The following CDYL variants were observed in gnomAD, a reference collection of about 807,000 sequenced individuals.
The protein encoded by CDYL is chromodomain Y-like protein.
In CDYL, 8 loss-of-function variants were observed where a neutral mutation model predicts 47.3. The ratio of observed to expected loss-of-function variants is 0.17; its 90% CI spans 0.10 to 0.31. The LOEUF (loss-of-function observed/expected upper bound fraction) is 0.31. CDYL is among the 10% of genes least tolerant of loss of function. CDYL has a pLI of 1.00. For synonymous variants in CDYL, 266 were observed against 265.0 expected (o/e 1.00, Z -0.04); for missense variants, 471 against 701.4 (o/e 0.67, Z 3.71).
At position 4,744,126 on chromosome 6, in the gene CDYL, T is replaced by C. The variant is rs530497036; in HGVS notation, c.186+9282T>C. On this transcript the variant is annotated intron_variant, in intron 3 of 8. Coordinates refer to the CDYL transcript ENST00000328908. ...GAATCACTACTGAGCAGGACGAAGG[T>C]CAGATGGGAGTTGGGAAGGAGAGTG... is the stretch of plus-strand genomic sequence containing the variant. Among the ~76,000 whole-genome samples the C allele has an allele frequency of 1.4e-4, 22 of 152,156 alleles. No individual in the cohort carries two copies. In the South Asian group the frequency reaches 4.6e-3, roughly 32 times the overall value.
At chr6:4,724,052 C>T (rs572342803) in intron 2 of CDYL, among the ~76,000 whole-genome samples, 3 of 151,914 alleles carry the variant, frequency 2.0e-5, no homozygotes, top group African/African-American at 4.9e-5. Flanking sequence ...ACTTTTTGTG[C>T]GCGTTTGAGA....
intron 1 of CDYL, among the ~76,000 whole-genome samples, chr6:4,836,595 G>T (rs1760315072): frequency 6.6e-6 from 1 of 152,118 alleles, no homozygotes; most frequent in South Asian, 2.1e-4. Flanking sequence ...TTGCTCATTA[G>T]AATATTTTTA....
intron 3 of CDYL, among the ~76,000 whole-genome samples, chr6:4,749,329 ATGGATGGATGGC>A (rs1423680280): frequency 7.2e-6 from 1 of 138,618 alleles, no homozygotes; most frequent in Non-Finnish European, 1.6e-5. Context: ...GGATGGATGG[ATGGATGGATGGC>A]TGGATATGAG....
intron 2 of CDYL, among the ~76,000 whole-genome samples, chr6:4,899,712 G>T (rs998341166): frequency 6.6e-6 from 1 of 152,180 alleles, no homozygotes; most frequent in Non-Finnish European, 1.5e-5. Context: ...CTTCTCAGTT[G>T]CCTTTAGCTA....
chr6:4,891,848 G>A lies in CDYL; in HGVS notation c.160G>A (p.Asp54Asn), dbSNP rs146246309. 45 of 1,614,036 alleles carry A rather than the reference G, an allele frequency of 2.8e-5. No homozygotes were observed. The highest frequency in any genetic ancestry group is 3.6e-5 in the Non-Finnish European group (43 of 1,180,048). ...CGTGAACTGTGAGGAATACATCCAC[G>A]ACTTCAACAGACGCCACACGGAGAA... Reference protein sequence around the residue: ...HLVNCEEYIHDFNRRHTEKQK... With the variant: ...HLVNCEEYIHNFNRRHTEKQK... Residue 54 changes from aspartate (D) to asparagine (N), a missense_variant, in exon 2 of 7, where the codon GAC becomes AAC. This residue lies in a region of CDYL where 311 missense variants were observed against 350.0 expected (regional missense o/e 0.89). Transcript: ENST00000397588.
intron 3 of CDYL, among the ~76,000 whole-genome samples, chr6:4,746,132 G>C (rs999565612): frequency 6.6e-6 from 1 of 152,134 alleles, no homozygotes; most frequent in Non-Finnish European, 1.5e-5. Flanking sequence ...TTGGGAGGCT[G>C]AGGCAGGTGG....
intron 3 of CDYL, among the ~76,000 whole-genome samples, chr6:4,765,602 C>T (rs1439498139): frequency 4.7e-5 from 7 of 150,246 alleles, no homozygotes; most frequent in Admixed American, 4.0e-4. Flanking sequence ...CTTGCTCTGT[C>T]GCGCAGGCTG....
chr6:4,712,441 G>A (rs1303672120), intron 1 of CDYL, among the ~76,000 whole-genome samples: 1 of 152,214 alleles, frequency 6.6e-6, no homozygotes, highest in African/African-American at 2.4e-5. Context: ...AGACAGCAGG[G>A]GCTGGGCCCA....
At position 4,776,684 on chromosome 6, in the gene CDYL, GCGCAGGCCACGCAGGACC is replaced by G; in HGVS notation, c.-98_-81del. On this transcript the variant is annotated 5_prime_UTR_variant, in exon 1 of 7. Coordinates refer to ENST00000397588, the MANE Select transcript of CDYL (RefSeq NM_004824.4). ...GCCCGGCCGGCCGCGGGAGCAGGAA[GCGCAGGCCACGCAGGACC>G]CAACTGAAACAAAGTGTCGGCCGCC... is the stretch of plus-strand genomic sequence containing the variant. The G allele has an allele frequency of 9.0e-7, 1 of 1,111,048 alleles. No homozygotes were observed. Among genetic ancestry groups the G allele is most frequent in the Non-Finnish European group, 1.2e-6 (1 of 852,708 alleles). 68.8% of individuals were successfully genotyped at this position (1,111,048 alleles called of 1,614,324 possible).
intron 1 of CDYL, among the ~76,000 whole-genome samples, chr6:4,872,324 CTTTTT>C (rs56242830): frequency 1.6e-5 from 2 of 121,648 alleles, no homozygotes; most frequent in Non-Finnish European, 1.8e-5. Context: ...TTTGATTTGG[CTTTTT>C]TTTTTTTTTT....
At chr6:4,868,549 G>A (rs808593) in intron 1 of CDYL, among the ~76,000 whole-genome samples, 2,049 of 151,860 alleles carry the variant, frequency 0.013, 111 homozygotes, top group Admixed American at 0.096. Flanking sequence ...TTAAAATAAC[G>A]GAGTCCTGTT....
At chr6:4,807,591 CTTTTTTTTTTTTTTTTT>C (rs70974139) in intron 1 of CDYL, among the ~76,000 whole-genome samples, 19 of 42,944 alleles carry the variant, frequency 4.4e-4, no homozygotes, top group African/African-American at 1.3e-3. Context: ...TCATTCATGT[CTTTTTTTTTTTTTTTTT>C]TTTTTTTTTT....
chr6:4,783,105 C>T (rs533315120), intron 1 of CDYL, among the ~76,000 whole-genome samples: 3 of 152,220 alleles, frequency 2.0e-5, no homozygotes, highest in Admixed American at 1.3e-4. Flanking sequence ...TACAACCTTT[C>T]TTTAGATTCA....
intron 1 of CDYL, among the ~76,000 whole-genome samples, chr6:4,817,158 T>A (rs1019850507): frequency 4.6e-5 from 7 of 152,314 alleles, no homozygotes; most frequent in Middle Eastern, 6.8e-3. Context: ...TTTGCAGTTG[T>A]GTTGTATGTG....
chr6:4,881,218 T>C (rs1403901436), intron 1 of CDYL, among the ~76,000 whole-genome samples: 3 of 152,154 alleles, frequency 2.0e-5, no homozygotes, highest in Admixed American at 6.5e-5. Flanking sequence ...CTAGTTCTCT[T>C]TTTTTGGTTT....
intron 1 of CDYL, chr6:4,890,211 T>G: frequency 2.1e-6 from 2 of 955,550 alleles, no homozygotes; most frequent in Non-Finnish European, 1.2e-6. Context: ...TTTAAAACTC[T>G]TAAACTATTT....
At chr6:4,813,218 G>A (rs1480314251) in intron 1 of CDYL, among the ~76,000 whole-genome samples, 1 of 152,114 alleles carries the variant, frequency 6.6e-6, no homozygotes, top group Non-Finnish European at 1.5e-5. Flanking sequence ...GAACTTCCAG[G>A]ACCATTTTGA....
chr6:4,812,404 C>T (rs1033127553), intron 1 of CDYL, among the ~76,000 whole-genome samples: 1 of 152,212 alleles, frequency 6.6e-6, no homozygotes, highest in African/African-American at 2.4e-5. Context: ...TAGGGCACGT[C>T]TTGTGTACAT....
intron 2 of CDYL, among the ~76,000 whole-genome samples, chr6:4,921,704 C>A (rs1757721356): frequency 6.6e-6 from 1 of 152,194 alleles, no homozygotes; most frequent in Non-Finnish European, 1.5e-5. Flanking sequence ...CCTGGCTTTT[C>A]ATGGTAAACC....
Sources: allele counts gnomAD v4.1 joint callset (sites outside exome capture counted in the v4.1 genomes callset), GRCh38; gene constraint gnomAD v4.1.1; regional missense constraint gnomAD v4.1.1; transcripts MANE v1.5; gene names NCBI Gene and HGNC (gene_info 2026-07-23, HGNC 2026-07-21).